MARCHF10: variants seen among roughly 807,000 people sequenced by gnomAD.
The protein encoded by MARCHF10 is probable E3 ubiquitin-protein ligase MARCHF10.
A neutral mutation model predicts 76.2 loss-of-function variants in MARCHF10; 64 were observed. The observed-to-expected ratio is 0.84, with a 90% CI of 0.69 to 1.03. The LOEUF (loss-of-function observed/expected upper bound fraction) is 1.03, where lower values mean the gene tolerates loss of function less well. Among genes scored for constraint, MARCHF10 ranks in the 50% least tolerant of loss-of-function variants. The pLI is 0.00. For synonymous variants in MARCHF10, 340 were observed against 357.5 expected, an observed-to-expected ratio of 0.95 and a Z score of 0.55; for missense variants, 875 against 958.0, an observed-to-expected ratio of 0.91 and a Z score of 1.14.
chr17:62,710,550 C>CTTTTTTTTTTTTTTTTTTTTTTTTTTTTT (rs552647502), intron 9 of MARCHF10, among the ~76,000 whole-genome samples: 1 of 88,620 alleles, frequency 1.1e-5, no homozygotes, highest in African/African-American at 5.1e-5. Context: ...TTGAACCCAG[C>CTTTTTTTTTTTTTTTTTTTTTTTTTTTTT]TTTTTTTTTT....
intron 6 of MARCHF10, among the ~76,000 whole-genome samples, chr17:62,728,307 G>A (rs934461066): frequency 6.6e-6 from 1 of 152,108 alleles, no homozygotes; most frequent in Non-Finnish European, 1.5e-5. Context: ...TGTGGGGAGT[G>A]AGCCACTGTG....
chr17:62,728,083 G>A (rs1264841971), intron 6 of MARCHF10, among the ~76,000 whole-genome samples: 2 of 152,208 alleles, frequency 1.3e-5, no homozygotes, highest in Non-Finnish European at 2.9e-5. Context: ...CTGTCGCCCA[G>A]TGGCAATCAT....
chr17:62,748,353 C>T (rs1308065059), intron 4 of MARCHF10, among the ~76,000 whole-genome samples: 4 of 152,038 alleles, frequency 2.6e-5, no homozygotes, highest in African/African-American at 9.7e-5. Flanking sequence ...GCCGAGATCA[C>T]ACCACTGCAC....
rs767914456 is a variant in MARCHF10, at chr17:62,801,723, C to T, written c.13G>A (p.Ala5Thr). The change falls in exon 2 of 11, where the codon GCA becomes ACA. Residue 5 changes from alanine to threonine, a missense_variant. Physicochemically the swap from Ala to Thr is moderately conservative, Grantham distance 58. Transcript: ENST00000311269. MLHD[A>T]RDRQKFFSDV... ...CTGAAGAACTTCTGCCTGTCCCTTG[C>T]GTCATGCAACATGATTCCTAATCCC... 5.0e-6 allele frequency: 8 copies of T among 1,613,814 alleles called. No individual in the cohort carries two copies. Among genetic ancestry groups the T allele is most frequent in the South Asian group, 4.4e-5 (4 of 91,086 alleles).
At chr17:62,789,083 A>C (rs200534682) in intron 2 of MARCHF10, among the ~76,000 whole-genome samples, 43 of 150,414 alleles carry the variant, frequency 2.9e-4, no homozygotes, top group African/African-American at 9.2e-4. Context: ...AAAAAAAAAA[A>C]AAAAAAAAAA....
intron 3 of MARCHF10, among the ~76,000 whole-genome samples, chr17:62,787,241 T>C (rs941066147): frequency 6.6e-6 from 1 of 152,206 alleles, no homozygotes; most frequent in Admixed American, 6.5e-5. Context: ...ATCTCTCTCC[T>C]AGGTATACAT....
At position 62,788,540 on chromosome 17, in the gene MARCHF10, A is replaced by G; in HGVS notation, c.150T>C (p.Phe50=). The change falls in exon 3 of 11, where the codon TTT becomes TTC. Residue 50 remains phenylalanine, a synonymous_variant. Transcript: ENST00000311269. ...RDPNEKKRDQ[F]WGQETSFERS... ...TCTCAAAACTTGTCTCTTGCCCCCA[A>G]AACTGATCGCGTTTCTTCTCATTTG... 6.2e-7 allele frequency: 1 copy of G among 1,614,084 alleles called. No homozygotes were observed. The highest frequency in any genetic ancestry group is 2.2e-5 in the East Asian group (1 of 44,880).
chr17:62,782,193 T>C (rs1427805828), intron 3 of MARCHF10, among the ~76,000 whole-genome samples: 2 of 152,084 alleles, frequency 1.3e-5, no homozygotes, highest in Non-Finnish European at 2.9e-5. Context: ...GGTTCTCTTT[T>C]GAGACATGCC....
In MARCHF10 at chr17:62,736,706, T is replaced by A. The variant is rs1422201762; in HGVS notation, c.1162A>T (p.Lys388Ter). 1 of 1,613,996 alleles carries A rather than the reference T, an allele frequency of 6.2e-7. No individual in the cohort carries two copies. Among genetic ancestry groups the A allele is most frequent in the South Asian group, 1.1e-5 (1 of 91,082 alleles). The stretch of plus-strand genomic sequence containing the variant: ...GCATTTTCACTGCCACCTCTGTCCT[T>A]CTCTGTAGCAGATTCCCTATCAGGC... The part of the protein sequence containing the change: ...GLPDRESATE[K>*]DRGGSENAKK... Residue 388 changes from lysine (K) to a stop codon, truncating the protein, a stop_gained, in exon 6 of 11, where the codon AAG becomes TAG. Coordinates refer to ENST00000311269, the MANE Select transcript of MARCHF10 (RefSeq NM_152598.4). LOFTEE classifies it high-confidence loss of function.
chr17:62,726,617 TAGA>T lies in MARCHF10; in HGVS notation c.1938-1516_1938-1514del, dbSNP rs1392867777. Among the ~76,000 whole-genome samples, 6 of 152,206 alleles carry T rather than the reference TAGA, an allele frequency of 3.9e-5. No homozygotes were observed. The East Asian group carries it at 9.7e-4, about 24-fold the overall frequency. ...TTTGAGAAGGTAGGCAGAAAAGTGGTAGAAGATTATTTTTTGTTGTTGTTGTTT... is the reference window on the plus strand; with the variant it reads ...TTTGAGAAGGTAGGCAGAAAAGTGGTAGATTATTTTTTGTTGTTGTTGTTT... On this transcript the variant is annotated intron_variant, in intron 6 of 10. Coordinates refer to ENST00000311269, the MANE Select transcript of MARCHF10 (RefSeq NM_152598.4).
chr17:62,716,711 A>T (rs1278715392), intron 8 of MARCHF10, among the ~76,000 whole-genome samples: 2 of 152,044 alleles, frequency 1.3e-5, no homozygotes, highest in Non-Finnish European at 2.9e-5. Flanking sequence ...AAAAATTCTA[A>T]GTGGGAAAAT....
intron 1 of MARCHF10, among the ~76,000 whole-genome samples, chr17:62,804,214 G>A (rs2093126405): frequency 6.6e-6 from 1 of 152,216 alleles, no homozygotes; most frequent in Non-Finnish European, 1.5e-5. Context: ...TGCTTTGTGA[G>A]GAGACAGCAT....
intron 8 of MARCHF10, 56 bp downstream of exon 8, chr17:62,722,432 G>A (rs889463191): frequency 1.4e-5 from 17 of 1,243,482 alleles, no homozygotes; most frequent in South Asian, 2.6e-5. Flanking sequence ...ATGTCTTCTC[G>A]CCCTGCCCCT....
intron 8 of MARCHF10, among the ~76,000 whole-genome samples, chr17:62,714,774 C>G (rs2090107095): frequency 6.6e-6 from 1 of 152,054 alleles, no homozygotes; most frequent in South Asian, 2.1e-4. Flanking sequence ...TTGAGACAGT[C>G]TCACTCTGTT....
intron 10 of MARCHF10, among the ~76,000 whole-genome samples, chr17:62,702,742 A>G (rs985409804): frequency 6.6e-6 from 1 of 152,228 alleles, no homozygotes; most frequent in Admixed American, 6.5e-5. Flanking sequence ...TGCACGGAGC[A>G]GGAGCAACTG....
rs1420699185 is a variant in MARCHF10 at position 62,721,943 on chromosome 17, C to G, written c.2214+545G>C. On this transcript the variant is annotated intron_variant, in intron 8 of 10. Coordinates refer to ENST00000311269, the MANE Select transcript of MARCHF10 (RefSeq NM_152598.4). ...TCCAGTTGCCCACTGAAGCTTCTTA[C>G]TTTTGTTCCCAACAGCAGGGCAAAC... Among the ~76,000 whole-genome samples, 3 of 152,014 alleles carry G rather than the reference C, an allele frequency of 2.0e-5. No individual in the cohort carries two copies. The East Asian group carries it at 5.8e-4, about 29-fold the overall frequency.
chr17:62,771,084 T>C (rs1240207338), intron 3 of MARCHF10, among the ~76,000 whole-genome samples: 1 of 152,102 alleles, frequency 6.6e-6, no homozygotes, highest in Non-Finnish European at 1.5e-5. Context: ...CTTGATCTCC[T>C]GACCTCATGA....
chr17:62,710,792 C>T (rs2089889798), intron 9 of MARCHF10, among the ~76,000 whole-genome samples: 3 of 152,032 alleles, frequency 2.0e-5, no homozygotes, highest in Non-Finnish European at 4.4e-5. Context: ...AATTCCTGAG[C>T]TCAAGTGATC....
In MARCHF10 at chr17:62,764,467, C is replaced by CA. The variant is rs373942370; in HGVS notation, c.211-4462dup. ...GGAGGGAAAAGGCAAAGAGTAGTGT[C>CA]AAGCTGGCGCCAGACTGTGTTGAGT... is the stretch of plus-strand genomic sequence containing the variant. On this transcript the variant is annotated intron_variant, in intron 3 of 10. Transcript: ENST00000311269. Among the ~76,000 whole-genome samples, 1,460 of 152,298 alleles carry CA rather than the reference C, an allele frequency of 9.6e-3. 9 individuals are homozygous for CA. Among genetic ancestry groups the CA allele is most frequent in the Non-Finnish European group, 0.016 (1,118 of 68,022 alleles).
Sources: gnomAD v4.1 joint callset for allele counts (sites outside exome capture counted in the v4.1 genomes callset) on GRCh38, gnomAD v4.1.1 for gene constraint, MANE v1.5 for transcripts, NCBI Gene and HGNC (gene_info 2026-07-23, HGNC 2026-07-21) for gene names.